The following SLC10A7 variants were observed in gnomAD, a reference collection of about 807,000 sequenced individuals.
SLC10A7 encodes the protein solute carrier family 10 member 7, also known as sodium/bile acid cotransporter 7.
SLC10A7 carries 29 observed loss-of-function variants against 43.2 expected under a neutral mutation model. The ratio of observed to expected loss-of-function variants is 0.67; its 90% confidence interval spans 0.50 to 0.92. The LOEUF (loss-of-function observed/expected upper bound fraction) is 0.92, where lower values mean the gene tolerates loss of function less well. Among genes scored for constraint, SLC10A7 ranks in the 40% least tolerant of loss-of-function variants. SLC10A7 has a pLI of 0.00. For synonymous variants in SLC10A7, 152 were observed against 144.8 expected, an observed-to-expected ratio of 1.05 and a Z score of -0.35; for missense variants, 295 against 403.2, an observed-to-expected ratio of 0.73 and a Z score of 2.30.
chr4:146,471,233 C>G (rs1339911474), intron 4 of SLC10A7, among the ~76,000 whole-genome samples: 1 of 152,118 alleles, frequency 6.6e-6, no homozygotes, highest in African/African-American at 2.4e-5. Context: ...ATTTTCAGAA[C>G]AGGGATACTG....
intron 5 of SLC10A7, among the ~76,000 whole-genome samples, chr4:146,391,626 A>C (rs1366436817): frequency 6.6e-6 from 1 of 152,210 alleles, no homozygotes; most frequent in Admixed American, 6.5e-5. Flanking sequence ...AGGCAGATGA[A>C]GTCTTGTCTT....
At chr4:146,293,878 T>C in intron 8 of SLC10A7, 52 bp downstream of exon 8, 1 of 1,346,286 alleles carries the variant, frequency 7.4e-7, no homozygotes, top group African/African-American at 1.4e-5. Flanking sequence ...GTGCTACGCG[T>C]TGCTATTGAG....
chr4:146,472,440 T>A (rs1004341885), intron 4 of SLC10A7, among the ~76,000 whole-genome samples: 1 of 151,534 alleles, frequency 6.6e-6, no homozygotes. Flanking sequence ...TATTCTGTTT[T>A]TTTTTTTTTT....
At chr4:146,270,355 C>A (rs914598888) in intron 10 of SLC10A7, among the ~76,000 whole-genome samples, 3 of 152,186 alleles carry the variant, frequency 2.0e-5, no homozygotes, top group Non-Finnish European at 4.4e-5. Context: ...ACAACTAATT[C>A]TGGTGTTCAG....
In SLC10A7 at chr4:146,259,807, A is replaced by G. The variant is rs905449430; in HGVS notation, c.848-970T>C. Reference sequence around the variant, plus strand: ...CTAACTATTATTACTAATTGTTTTAATGCAGCCACAGTCTTCAGAAGTGCT... The same window carrying G: ...CTAACTATTATTACTAATTGTTTTAGTGCAGCCACAGTCTTCAGAAGTGCT... On this transcript the variant is annotated intron_variant, in intron 10 of 11. Coordinates refer to ENST00000335472, the MANE Select transcript of SLC10A7 (RefSeq NM_001029998.6). Among the ~76,000 whole-genome samples the G allele has an allele frequency of 1.6e-4, 25 of 152,332 alleles. 1 individual carries two copies. The highest frequency in any genetic ancestry group is 7.2e-4 in the Admixed American group (11 of 15,300).
At chr4:146,333,892 C>T (rs1380279753) in intron 5 of SLC10A7, among the ~76,000 whole-genome samples, 1 of 151,992 alleles carries the variant, frequency 6.6e-6, no homozygotes, top group Non-Finnish European at 1.5e-5. Flanking sequence ...AAGCAGGAGG[C>T]TATTCAGGAC....
chr4:146,492,327 T>C (rs1735536091), intron 4 of SLC10A7, among the ~76,000 whole-genome samples: 1 of 152,216 alleles, frequency 6.6e-6, no homozygotes, highest in Non-Finnish European at 1.5e-5. Context: ...AGATTAAACC[T>C]GACTCCTTTG....
chr4:146,320,773 A>G (rs1423270968), intron 6 of SLC10A7, among the ~76,000 whole-genome samples: 3 of 152,036 alleles, frequency 2.0e-5, no homozygotes, highest in African/African-American at 7.2e-5. Flanking sequence ...CTGGGGTTCT[A>G]TTGATAATTA....
chr4:146,323,417 AG>A (rs1029062296), intron 6 of SLC10A7, among the ~76,000 whole-genome samples: 53 of 152,274 alleles, frequency 3.5e-4, no homozygotes, highest in African/African-American at 1.2e-3. Flanking sequence ...GGTGTAAGGA[AG>A]GGATCCAGTT....
chr4:146,351,749 G>T (rs1418662583), intron 5 of SLC10A7, among the ~76,000 whole-genome samples: 2 of 144,394 alleles, frequency 1.4e-5, no homozygotes, highest in Admixed American at 6.8e-5. Context: ...TTAAAGAAAA[G>T]AATTTTCAAC....
At chr4:146,293,072 G>A (rs1470205070) in intron 8 of SLC10A7, 92 bp from the exon 9 acceptor site, 17 of 765,592 alleles carry the variant, frequency 2.2e-5, no homozygotes, top group African/African-American at 3.7e-5. Flanking sequence ...AAAATTTATA[G>A]GAACTAAAAA....
chr4:146,311,070 G>A (rs1404567391), intron 6 of SLC10A7, among the ~76,000 whole-genome samples: 1 of 152,084 alleles, frequency 6.6e-6, no homozygotes, highest in Non-Finnish European at 1.5e-5. Flanking sequence ...ACTAGTGCCA[G>A]GGTAGATGCA....
intron 6 of SLC10A7, among the ~76,000 whole-genome samples, chr4:146,317,630 G>C (rs958734963): frequency 5.3e-5 from 8 of 151,938 alleles, no homozygotes; most frequent in African/African-American, 1.4e-4. Flanking sequence ...ACCAATGGGG[G>C]CAAGTGTCAT....
intron 5 of SLC10A7, among the ~76,000 whole-genome samples, chr4:146,419,606 T>C (rs1228125033): frequency 2.0e-5 from 3 of 151,752 alleles, no homozygotes; most frequent in Non-Finnish European, 4.4e-5. Context: ...GAGGCTGAGG[T>C]TGGTGGATCA....
chr4:146,363,550 A>G (rs1736196538), intron 5 of SLC10A7, among the ~76,000 whole-genome samples: 1 of 152,174 alleles, frequency 6.6e-6, no homozygotes, highest in Admixed American at 6.5e-5. Context: ...GCCGCAGAAC[A>G]TACCTTCTTC....
intron 5 of SLC10A7, among the ~76,000 whole-genome samples, chr4:146,385,569 C>T (rs1737933444): frequency 1.3e-5 from 2 of 151,942 alleles, no homozygotes; most frequent in South Asian, 4.2e-4. Context: ...TGATTTTTTC[C>T]CTCAACTTAA....
chr4:146,442,231 G>C, intron 5 of SLC10A7: 7 of 903,250 alleles, frequency 7.7e-6, no homozygotes, highest in Non-Finnish European at 8.9e-6. Context: ...AACTACTTTT[G>C]AATCTTTATA....
chr4:146,295,114 A>G (rs1006638437), intron 7 of SLC10A7, among the ~76,000 whole-genome samples: 3 of 152,154 alleles, frequency 2.0e-5, no homozygotes, highest in African/African-American at 7.2e-5. Context: ...TTAATTCGCA[A>G]TGGAGCATAT....
At chr4:146,271,512 T>C (rs1694404047) in intron 10 of SLC10A7, among the ~76,000 whole-genome samples, 1 of 152,150 alleles carries the variant, frequency 6.6e-6, no homozygotes, top group South Asian at 2.1e-4. Context: ...GCCTCTCTCT[T>C]GAGTCTTCCT....
Sources: gnomAD v4.1 joint callset for allele counts (sites outside exome capture counted in the v4.1 genomes callset) on GRCh38, gnomAD v4.1.1 for gene constraint, MANE v1.5 for transcripts, NCBI Gene and HGNC (gene_info 2026-07-23, HGNC 2026-07-21) for gene names.